Variants in THAP2 observed in about 807,000 individuals in gnomAD.
THAP2 encodes THAP domain-containing protein 2.
Under a neutral mutation model 18.8 loss-of-function variants are expected in THAP2, and 16 were observed. The observed-to-expected ratio is 0.85, with a 90% CI of 0.58 to 1.29. The LOEUF (loss-of-function observed/expected upper bound fraction) is 1.29, where lower values mean the gene tolerates loss of function less well. Among genes scored for constraint, THAP2 ranks in the 50% most tolerant of loss-of-function variants. The pLI is 0.00. For missense variants in THAP2, 251 were observed against 265.3 expected (o/e 0.95, Z 0.38); for synonymous variants, 80 against 89.2 (o/e 0.90, Z 0.58).
At chr12:71,664,847 T>G in intron 1 of THAP2, 1 of 702,850 alleles carries the variant, frequency 1.4e-6, no homozygotes, top group Non-Finnish European at 2.6e-6. Flanking sequence ...CGTAATTTTC[T>G]ACTGTTTTAT....
At chr12:71,668,784 A>G (rs1267503786) in intron 1 of THAP2, among the ~76,000 whole-genome samples, 1 of 152,240 alleles carries the variant, frequency 6.6e-6, no homozygotes, top group Non-Finnish European at 1.5e-5. Flanking sequence ...TCAAATATTT[A>G]TAAGAGCCTG....
rs970750063 is a variant in THAP2, at chr12:71,677,946, T to C, written c.*838T>C. ...CCAAAACTCCTAAGGTTTTTTGTTTTCTTTTTAACTACTTTCCAAATGCAT... is the reference window on the plus strand; with the variant it reads ...CCAAAACTCCTAAGGTTTTTTGTTTCCTTTTTAACTACTTTCCAAATGCAT... On this transcript the variant is annotated 3_prime_UTR_variant, in exon 3 of 3. Coordinates refer to ENST00000308086, the MANE Select transcript of THAP2 (RefSeq NM_031435.4). The C allele has an allele frequency of 1.3e-5, 2 of 152,198 alleles. No homozygotes were observed. The highest frequency in any genetic ancestry group is 4.8e-5 in the African/African-American group (2 of 41,448). 9.4% of individuals were successfully genotyped at this position (152,198 alleles called of 1,614,324 possible).
intron 1 of THAP2, among the ~76,000 whole-genome samples, chr12:71,669,721 C>T (rs1047181843): frequency 1.3e-5 from 2 of 151,938 alleles, no homozygotes; most frequent in African/African-American, 2.4e-5. Flanking sequence ...TTTGGGAGGC[C>T]GAGGCAGGTG....
Position 71,665,111 on chromosome 12 carries a change from A to G in THAP2, c.71+531A>G, listed in dbSNP as rs555730759. The G allele has an allele frequency of 1.3e-5, 8 of 596,920 alleles. No individual in the cohort carries two copies. In the East Asian group the frequency reaches 2.0e-4, roughly 15 times the overall value. 37.0% of individuals were successfully genotyped at this position (596,920 alleles called of 1,614,324 possible). ...AAAAGATAACCTTTCTGTTCTTACT[A>G]GAATAGAGTAATAAAAAGAACCTAG... On this transcript the variant is annotated intron_variant, in intron 1 of 2. Transcript: ENST00000308086.
Position 71,665,063 on chromosome 12 carries a change from T to G in THAP2, c.71+483T>G, listed in dbSNP as rs2137574528. On this transcript the variant is annotated intron_variant, in intron 1 of 2. Coordinates refer to ENST00000308086, the MANE Select transcript of THAP2 (RefSeq NM_031435.4). ...TGAGTCATCTTTGATAGCCATGGAATTAAGCGATGTTAATTAAAGTGCAAA... is the reference window on the plus strand; with the variant it reads ...TGAGTCATCTTTGATAGCCATGGAAGTAAGCGATGTTAATTAAAGTGCAAA... The G allele has an allele frequency of 7.3e-6, 5 of 684,206 alleles. No homozygotes were observed. The South Asian group carries it at 7.7e-5, about 11-fold the overall frequency. The allele number at this position is 684,206 out of a possible 1,614,324, so 42.4% of individuals were successfully genotyped here. A position where few individuals can be genotyped will look rare whatever the true frequency, so the allele number is the denominator to read the frequency against.
rs777131590 is a variant in THAP2, at chr12:71,678,485, A to T, written c.*1377A>T. On this transcript the variant is annotated 3_prime_UTR_variant, in exon 3 of 3. Coordinates refer to ENST00000308086, the MANE Select transcript of THAP2 (RefSeq NM_031435.4). Reference sequence around the variant, plus strand: ...GTTTGCTTTATTTCACTAATGTTTAATAGGAACCCTTTGCTTCAAACAGCT... The same window carrying T: ...GTTTGCTTTATTTCACTAATGTTTATTAGGAACCCTTTGCTTCAAACAGCT... 1 of 152,628 alleles carries T rather than the reference A, an allele frequency of 6.6e-6. No individual in the cohort carries two copies. The highest frequency in any genetic ancestry group is 1.5e-5 in the Non-Finnish European group (1 of 68,038). 9.5% of individuals were successfully genotyped at this position (152,628 alleles called of 1,614,324 possible). A position where few individuals can be genotyped will look rare whatever the true frequency, so the allele number is the denominator to read the frequency against.
At chr12:71,665,728 T>C (rs1881326023) in intron 1 of THAP2, 2 of 152,250 alleles carry the variant, frequency 1.3e-5, no homozygotes, top group Non-Finnish European at 2.9e-5. Context: ...TCCTGTGTGC[T>C]ACTTAAGTAT....
chr12:71,665,155 G>T, intron 1 of THAP2: 1 of 545,178 alleles, frequency 1.8e-6, no homozygotes, highest in Non-Finnish European at 3.2e-6. Context: ...TTGTTTGCTG[G>T]AAGAAAAATC....
rs535374048 is a variant in THAP2, at chr12:71,666,493, A to G, written c.71+1913A>G. 1.1e-3 allele frequency among the ~76,000 whole-genome samples: 174 copies of G among 152,284 alleles called. 1 individual carries two copies. The highest frequency in any genetic ancestry group is 4.0e-3 in the African/African-American group (165 of 41,554). ...ATGCCACTGTACTCCAGCCTGGGCA[A>G]TACAGTGAGACCCTGTCTCAAGAAA... On this transcript the variant is annotated intron_variant, in intron 1 of 2. Transcript: ENST00000308086.
chr12:71,668,791 C>G (rs1335359615), intron 1 of THAP2, among the ~76,000 whole-genome samples: 1 of 152,118 alleles, frequency 6.6e-6, no homozygotes, highest in Non-Finnish European at 1.5e-5. Context: ...TTTATAAGAG[C>G]CTGGTTCTAT....
chr12:71,674,117 A>G, intron 1 of THAP2, 86 bp from the exon 2 acceptor site: 1 of 1,346,422 alleles, frequency 7.4e-7, no homozygotes, highest in Non-Finnish European at 9.8e-7. Flanking sequence ...ACACACTTTT[A>G]ATCATCTTCG....
chr12:71,677,085 C>G lies in THAP2; in HGVS notation c.664C>G (p.Gln222Glu). The change falls in exon 3 of 3, where the codon CAG (glutamine) becomes GAG (glutamate). Residue 222 changes from glutamine (Q) to glutamate (E), a missense_variant. By Grantham distance (29) the Gln-to-Glu change is conservative. Transcript: ENST00000308086. ...DKTLLSLNLK[Q>E]TKSTFI Reference sequence around the variant, plus strand: ...AACACTGCTAAGTCTAAATCTAAAACAGACCAAGAGTACCTTCATTTAAAT... The same window carrying G: ...AACACTGCTAAGTCTAAATCTAAAAGAGACCAAGAGTACCTTCATTTAAAT... 1.2e-6 allele frequency: 2 copies of G among 1,601,096 alleles called. No individual in the cohort carries two copies. The highest frequency in any genetic ancestry group is 1.7e-5 in the Admixed American group (1 of 58,478).
At chr12:71,676,329 A>G in intron 2 of THAP2, among the ~76,000 whole-genome samples, 1 of 152,258 alleles carries the variant, frequency 6.6e-6, no homozygotes, top group Non-Finnish European at 1.5e-5. Context: ...AATTAATATC[A>G]TAAATAATAT....
intron 1 of THAP2, among the ~76,000 whole-genome samples, chr12:71,670,384 A>G (rs1881414292): frequency 6.6e-6 from 1 of 152,204 alleles, no homozygotes; most frequent in Non-Finnish European, 1.5e-5. Flanking sequence ...TCTTAGAGAC[A>G]GCCCCTTATA....
intron 1 of THAP2, among the ~76,000 whole-genome samples, chr12:71,672,658 T>A (rs1160954357): frequency 6.6e-6 from 1 of 152,036 alleles, no homozygotes; most frequent in Non-Finnish European, 1.5e-5. Context: ...ACAGTGGTCC[T>A]GGATTTATTT....
rs1470970927 is a variant in THAP2 at position 71,680,628 on chromosome 12, A to AT, written c.*3525dup. ...TATTCTGAGTATGGTGATATTAAACATTTTTCCCCAAGGAAATTACTGTCA... is the reference window on the plus strand; with the variant it reads ...TATTCTGAGTATGGTGATATTAAACATTTTTTCCCCAAGGAAATTACTGTCA... On this transcript the variant is annotated 3_prime_UTR_variant, in exon 3 of 3. Transcript: ENST00000308086. The AT allele has an allele frequency of 1.3e-5, 2 of 152,258 alleles. No individual in the cohort carries two copies. Among genetic ancestry groups the AT allele is most frequent in the African/African-American group, 4.8e-5 (2 of 41,460 alleles). The allele number at this position is 152,258 out of a possible 1,614,324, so 9.4% of individuals were successfully genotyped here. A position where few individuals can be genotyped will look rare whatever the true frequency, so the allele number is the denominator to read the frequency against.
intron 1 of THAP2, among the ~76,000 whole-genome samples, chr12:71,673,567 T>G (rs1881475935): frequency 6.6e-6 from 1 of 152,216 alleles, no homozygotes; most frequent in African/African-American, 2.4e-5. Context: ...ATATTATTAC[T>G]CTGTATTTGT....
chr12:71,666,790 A>C (rs1390320521), intron 1 of THAP2, among the ~76,000 whole-genome samples: 1 of 151,874 alleles, frequency 6.6e-6, no homozygotes, highest in Admixed American at 6.6e-5. Flanking sequence ...GCTGGAGTGC[A>C]ATGGTGTGAT....
rs1178948680 is a variant in THAP2 at position 71,679,833 on chromosome 12, A to T, written c.*2725A>T. Reference sequence around the variant, plus strand: ...ATTCCTCCTTATATTGACTTAGCAAAGGAGGTACAAGGACATTGGCATTTG... The same window carrying T: ...ATTCCTCCTTATATTGACTTAGCAATGGAGGTACAAGGACATTGGCATTTG... On this transcript the variant is annotated 3_prime_UTR_variant, in exon 3 of 3. Coordinates refer to ENST00000308086, the MANE Select transcript of THAP2 (RefSeq NM_031435.4). 6.6e-6 allele frequency: 1 copy of T among 152,180 alleles called. No homozygotes were observed. Among genetic ancestry groups the T allele is most frequent in the Non-Finnish European group, 1.5e-5 (1 of 68,008 alleles). 9.4% of individuals were successfully genotyped at this position (152,180 alleles called of 1,614,324 possible).
Sources: allele counts gnomAD v4.1 joint callset (sites outside exome capture counted in the v4.1 genomes callset), GRCh38; gene constraint gnomAD v4.1.1; transcripts MANE v1.5; gene names NCBI Gene and HGNC (gene_info 2026-07-23, HGNC 2026-07-21).